Variants in LRP1B observed in about 807,000 individuals in gnomAD.
LRP1B encodes LDL receptor related protein 1B, also known as low-density lipoprotein receptor-related protein 1B.
Under a neutral mutation model 556.6 loss-of-function variants are expected in LRP1B, and 217 were observed. That is an observed-to-expected ratio of 0.39 (90% CI 0.35 to 0.44). The LOEUF is 0.44. LRP1B is among the 20% of genes least tolerant of loss of function. LRP1B has a pLI of 1.00. For missense variants in LRP1B, 5,053 were observed against 5,620.8 expected (o/e 0.90, Z 3.23); for synonymous variants, 2,047 against 1,865.8 (o/e 1.10, Z -2.50).
At chr2:141,889,969 T>TCCCCCCCCCCCCCCCCC (rs200717814) in intron 1 of LRP1B, among the ~76,000 whole-genome samples, 2 of 146,584 alleles carry the variant, frequency 1.4e-5, no homozygotes, top group African/African-American at 2.5e-5. Flanking sequence ...TATCTTTCCT[T>TCCCCCCCCCCCCCCCCC]CCCCCTCACC....
At chr2:140,731,425 C>G (rs1559082600) in intron 35 of LRP1B, among the ~76,000 whole-genome samples, 3 of 151,708 alleles carry the variant, frequency 2.0e-5, no homozygotes, top group Admixed American at 6.6e-5. Flanking sequence ...TCATCTAGAG[C>G]AAAGAAGAGT....
chr2:141,273,875 T>C (rs1246353656), intron 3 of LRP1B, among the ~76,000 whole-genome samples: 1 of 152,120 alleles, frequency 6.6e-6, no homozygotes, highest in Non-Finnish European at 1.5e-5. Flanking sequence ...AATTCAGTAA[T>C]AAAAAGGAAA....
chr2:141,460,655 A>T (rs1397030703), intron 3 of LRP1B, among the ~76,000 whole-genome samples: 2 of 152,196 alleles, frequency 1.3e-5, no homozygotes, highest in African/African-American at 2.4e-5. Flanking sequence ...AGAGAAATCA[A>T]TTATATGGTT....
At chr2:141,193,993 C>A (rs577532027) in intron 6 of LRP1B, among the ~76,000 whole-genome samples, 6 of 151,936 alleles carry the variant, frequency 3.9e-5, no homozygotes, top group African/African-American at 4.8e-5. Flanking sequence ...ACTTTTTCTC[C>A]AATAGAGATG....
chr2:141,222,971 C>G (rs929157347), intron 6 of LRP1B, among the ~76,000 whole-genome samples: 14 of 152,010 alleles, frequency 9.2e-5, no homozygotes, highest in African/African-American at 3.4e-4. Context: ...CCTTGAAAAC[C>G]AGCACAAGAC....
At chr2:141,046,648 T>G (rs568252230) in intron 11 of LRP1B, among the ~76,000 whole-genome samples, 2 of 152,170 alleles carry the variant, frequency 1.3e-5, no homozygotes, top group African/African-American at 4.8e-5. Context: ...TTGTGATAGG[T>G]GGAATGCAAA....
At chr2:141,907,375 C>A (rs2104945253) in intron 1 of LRP1B, among the ~76,000 whole-genome samples, 1 of 151,906 alleles carries the variant, frequency 6.6e-6, no homozygotes, top group South Asian at 2.1e-4. Flanking sequence ...CATTTTAAAT[C>A]TAAATGTGAA....
At chr2:141,564,151 T>TTA (rs1686254104) in intron 2 of LRP1B, among the ~76,000 whole-genome samples, 1 of 152,114 alleles carries the variant, frequency 6.6e-6, no homozygotes, top group Non-Finnish European at 1.5e-5. Context: ...AATGAAGGAC[T>TTA]TATTTGTGTT....
intron 2 of LRP1B, among the ~76,000 whole-genome samples, chr2:141,539,652 A>G (rs909578745): frequency 1.3e-5 from 2 of 152,188 alleles, no homozygotes; most frequent in Non-Finnish European, 2.9e-5. Flanking sequence ...TCCTTGAAAG[A>G]TTCAGATAGC....
At chr2:141,887,653 G>C (rs1268199673) in intron 1 of LRP1B, among the ~76,000 whole-genome samples, 3 of 152,184 alleles carry the variant, frequency 2.0e-5, no homozygotes, top group Non-Finnish European at 4.4e-5. Context: ...AGCTGTCTGA[G>C]GTACTTCTAA....
chr2:141,247,465 C>G, intron 4 of LRP1B, 111 bp from the exon 5 acceptor site: 1 of 1,230,600 alleles, frequency 8.1e-7, no homozygotes. Context: ...TAAGGAAAAG[C>G]CAATTCCAAT....
At chr2:141,151,638 C>A (rs1701928058) in intron 7 of LRP1B, among the ~76,000 whole-genome samples, 1 of 152,120 alleles carries the variant, frequency 6.6e-6, no homozygotes, top group Admixed American at 6.6e-5. Context: ...GTGATTCAAT[C>A]ACTCAATAAC....
rs113009077 is a variant in LRP1B, at chr2:140,619,074, TACACACACACACAC to T, written c.6800-17449_6800-17436del. On this transcript the variant is annotated intron_variant, in intron 41 of 90. Coordinates refer to ENST00000389484, the MANE Select transcript of LRP1B (RefSeq NM_018557.3). Reference sequence around the variant, plus strand: ...GAATCTGATGGTATGTATATCTATCTACACACACACACACACACACACACACACACACACACACA... The same window carrying T: ...GAATCTGATGGTATGTATATCTATCTACACACACACACACACACACACACA... 3.5e-3 allele frequency among the ~76,000 whole-genome samples: 515 copies of T among 146,480 alleles called. 6 individuals are homozygous for T. Among genetic ancestry groups the T allele is most frequent in the African/African-American group, 8.4e-3 (332 of 39,668 alleles).
intron 2 of LRP1B, among the ~76,000 whole-genome samples, chr2:141,505,949 A>G (rs1683914879): frequency 6.6e-6 from 1 of 152,102 alleles, no homozygotes; most frequent in Admixed American, 6.6e-5. Flanking sequence ...TAGTTAAAAG[A>G]GAATAGTAAT....
At chr2:140,682,412 C>T (rs1213310048) in intron 41 of LRP1B, among the ~76,000 whole-genome samples, 1 of 152,094 alleles carries the variant, frequency 6.6e-6, no homozygotes, top group African/African-American at 2.4e-5. Context: ...GCATTGATTA[C>T]TTATTAAGTC....
chr2:141,780,864 T>G (rs1224107094), intron 2 of LRP1B, among the ~76,000 whole-genome samples: 1 of 152,212 alleles, frequency 6.6e-6, no homozygotes, highest in Non-Finnish European at 1.5e-5. Flanking sequence ...ACTCAAGTCA[T>G]TTTGTTTAAC....
At chr2:140,419,094 A>G (rs1269896763) in intron 66 of LRP1B, among the ~76,000 whole-genome samples, 2 of 152,222 alleles carry the variant, frequency 1.3e-5, no homozygotes, top group South Asian at 2.1e-4. Flanking sequence ...AGCATCAAAT[A>G]TGGGACAAAA....
chr2:140,394,367 A>G (rs946050363), intron 66 of LRP1B, among the ~76,000 whole-genome samples: 4 of 152,120 alleles, frequency 2.6e-5, no homozygotes, highest in Non-Finnish European at 5.9e-5. Context: ...AAATGTGATC[A>G]ATCATTATGC....
intron 7 of LRP1B, among the ~76,000 whole-genome samples, chr2:141,145,778 A>G (rs750205915): frequency 7.9e-5 from 12 of 151,554 alleles, no homozygotes; most frequent in Non-Finnish European, 1.6e-4. Context: ...GGTGATCCGC[A>G]CACCTCTGCC....
Sources: gnomAD v4.1 joint callset for allele counts (sites outside exome capture counted in the v4.1 genomes callset) on GRCh38, gnomAD v4.1.1 for gene constraint, MANE v1.5 for transcripts, NCBI Gene and HGNC (gene_info 2026-07-23, HGNC 2026-07-21) for gene names.